ZNF503: variants seen among roughly 807,000 people sequenced by gnomAD.
ZNF503 encodes the protein zinc finger protein 503, also known as NocA-like zinc finger 2.
ZNF503 carries 15 observed loss-of-function variants against 34.4 expected under a neutral mutation model. The ratio of observed to expected loss-of-function variants is 0.44; its 90% CI spans 0.29 to 0.67. The LOEUF (loss-of-function observed/expected upper bound fraction) is 0.67, where lower values mean the gene tolerates loss of function less well. Among genes scored for constraint, ZNF503 ranks in the 30% least tolerant of loss-of-function variants. The pLI is 0.13. For missense variants in ZNF503, 1,007 were observed against 926.8 expected, an observed-to-expected ratio of 1.09 and a Z score of -1.12; for synonymous variants, 580 against 456.8, an observed-to-expected ratio of 1.27 and a Z score of -3.44.
the ZNF503 span, among the ~76,000 whole-genome samples, chr10:75,356,329 G>C: frequency 6.6e-6 from 1 of 152,206 alleles, no homozygotes; most frequent in Non-Finnish European, 1.5e-5. Context: ...CCATTCTCCT[G>C]CCTCAGCCTC....
the ZNF503 span, among the ~76,000 whole-genome samples, chr10:75,309,031 A>G: frequency 1.3e-5 from 2 of 151,992 alleles, no homozygotes; most frequent in Non-Finnish European, 2.9e-5. Context: ...TTTGGTAGAG[A>G]TGCTGTTTCA....
At chr10:75,342,249 C>T in the ZNF503 span, among the ~76,000 whole-genome samples, 1 of 152,210 alleles carries the variant, frequency 6.6e-6, no homozygotes, top group East Asian at 1.9e-4. Context: ...AAAAGGAGTC[C>T]CTTCCTCCAG....
the ZNF503 span, among the ~76,000 whole-genome samples, chr10:75,362,950 G>C: frequency 6.6e-6 from 1 of 151,948 alleles, no homozygotes; most frequent in Admixed American, 6.6e-5. Context: ...CCCCACCCCA[G>C]CCTTGGCCAA....
At chr10:75,319,324 A>G in the ZNF503 span, among the ~76,000 whole-genome samples, 1 of 152,214 alleles carries the variant, frequency 6.6e-6, no homozygotes, top group Non-Finnish European at 1.5e-5. Context: ...TGATGTATAT[A>G]AAGGAATTAT....
At chr10:75,366,223 C>T in the ZNF503 span, among the ~76,000 whole-genome samples, 1 of 152,192 alleles carries the variant, frequency 6.6e-6, no homozygotes, top group South Asian at 2.1e-4. Flanking sequence ...TATACCATTG[C>T]TTGATAACAG....
At position 75,401,348 on chromosome 10, in the gene ZNF503, TCCGCCTCCG is replaced by T. The variant is rs771606452; in HGVS notation, c.63_71del (p.Gly25_Gly27del). 4.0e-6 allele frequency: 6 copies of T among 1,490,732 alleles called. No homozygotes were observed. In the African/African-American group the frequency reaches 1.0e-4, roughly 25 times the overall value. 92.3% of individuals were successfully genotyped at this position (1,490,732 alleles called of 1,614,324 possible). A position where few individuals can be genotyped will look rare whatever the true frequency, so the allele number is the denominator to read the frequency against. On this transcript the variant is annotated inframe_deletion, in exon 1 of 2. Coordinates refer to ENST00000372524, the MANE Select transcript of ZNF503 (RefSeq NM_032772.6). ...TCCAGGCAGGGTCTGCACCGCCGCC[TCCGCCTCCG>T]CCGCCGCCGCCGCCGCTGTGCTTAC...
the ZNF503 span, among the ~76,000 whole-genome samples, chr10:75,387,578 G>A: frequency 6.6e-6 from 1 of 152,174 alleles, no homozygotes; most frequent in African/African-American, 2.4e-5. Flanking sequence ...TGGTAAGAGT[G>A]GATCAGGGCA....
the ZNF503 span, among the ~76,000 whole-genome samples, chr10:75,293,103 C>T: frequency 3.3e-5 from 5 of 152,152 alleles, no homozygotes; most frequent in Admixed American, 1.3e-4. Context: ...ACACGGCTTC[C>T]GAGGTCTTCT....
chr10:75,354,350 C>A, the ZNF503 span, among the ~76,000 whole-genome samples: 1 of 152,074 alleles, frequency 6.6e-6, no homozygotes, highest in South Asian at 2.1e-4. Context: ...TGGACAAAGT[C>A]GTAGAAAAAC....
chr10:75,327,046 C>T, the ZNF503 span, among the ~76,000 whole-genome samples: 16 of 152,216 alleles, frequency 1.1e-4, no homozygotes, highest in Non-Finnish European at 1.6e-4. Context: ...AATTAGCATT[C>T]CATCACTTCA....
the ZNF503 span, among the ~76,000 whole-genome samples, chr10:75,348,010 A>ATAGC: frequency 2.0e-5 from 3 of 152,078 alleles, no homozygotes; most frequent in South Asian, 6.2e-4. Context: ...CAGCCTCTGA[A>ATAGC]TAGCTGGGAT....
chr10:75,392,127 A>C, the ZNF503 span, among the ~76,000 whole-genome samples: 8 of 152,248 alleles, frequency 5.3e-5, no homozygotes, highest in African/African-American at 1.9e-4. Flanking sequence ...ATTCGGCTTC[A>C]TCACCTGTAA....
chr10:75,301,702 A>T, the ZNF503 span, among the ~76,000 whole-genome samples: 1 of 152,158 alleles, frequency 6.6e-6, no homozygotes, highest in Non-Finnish European at 1.5e-5. Flanking sequence ...CATTTAATTT[A>T]TCATGATCTA....
chr10:75,332,864 C>T, the ZNF503 span, among the ~76,000 whole-genome samples: 1 of 141,662 alleles, frequency 7.1e-6, no homozygotes, highest in Non-Finnish European at 1.6e-5. Flanking sequence ...AAAAGTCTCC[C>T]ATGTCTACTT....
chr10:75,288,956 G>A, the ZNF503 span, among the ~76,000 whole-genome samples: 2,429 of 152,216 alleles, frequency 0.016, 65 homozygotes, highest in African/African-American at 0.055. Context: ...TGTCAGCAGT[G>A]GTCCACTTCC....
the ZNF503 span, among the ~76,000 whole-genome samples, chr10:75,318,567 G>T: frequency 6.6e-6 from 1 of 151,736 alleles, no homozygotes; most frequent in South Asian, 2.1e-4. Context: ...TGCTCAGGAG[G>T]CTGAGGCAGG....
At position 75,400,219 on chromosome 10, in the gene ZNF503, G is replaced by A. The variant is rs79343474; in HGVS notation, c.471C>T (p.Thr157=). The A allele has an allele frequency of 6.5e-3, 10,375 of 1,607,418 alleles. 630 individuals are homozygous for A. The African/African-American group carries it at 0.12, about 19-fold the overall frequency. Residue 157 remains threonine (T), a synonymous_variant, in exon 2 of 2, where the codon ACC becomes ACT. Transcript: ENST00000372524. Reference sequence around the variant, plus strand: ...CGCTCAGCTTCAGGGGGCCCGATTTGGTGTCCTTGTCGCCCGCAGCACCGC... The same window carrying A: ...CGCTCAGCTTCAGGGGGCCCGATTTAGTGTCCTTGTCGCCCGCAGCACCGC... The part of the protein sequence containing the change: ...AGGGAAGDKD[T]KSGPLKLSDI...
chr10:75,333,552 A>G, the ZNF503 span, among the ~76,000 whole-genome samples: 2 of 43,246 alleles, frequency 4.6e-5, no homozygotes, highest in Non-Finnish European at 4.3e-5. Context: ...GGCGCCCCTC[A>G]CCTCCCGGAC....
chr10:75,379,072 C>G, the ZNF503 span, among the ~76,000 whole-genome samples: 1 of 152,126 alleles, frequency 6.6e-6, no homozygotes, highest in Non-Finnish European at 1.5e-5. Context: ...TTTGTCCTCC[C>G]GTTCCTATTA....
Sources: allele counts gnomAD v4.1 joint callset (sites outside exome capture counted in the v4.1 genomes callset), GRCh38; gene constraint gnomAD v4.1.1; transcripts MANE v1.5; gene names NCBI Gene and HGNC (gene_info 2026-07-23, HGNC 2026-07-21).